Variants in PDE4D observed in about 807,000 individuals in gnomAD.
The protein encoded by PDE4D is phosphodiesterase 4D.
Under a neutral mutation model 87.4 loss-of-function variants are expected in PDE4D, and 24 were observed. That is an observed-to-expected ratio of 0.27 (90% confidence interval 0.20 to 0.39). The LOEUF is 0.39. PDE4D is among the 10% of genes least tolerant of loss of function. PDE4D has a pLI of 1.00. For missense variants in PDE4D, 714 were observed against 1,041.0 expected (o/e 0.69, Z 4.32); for synonymous variants, 384 against 383.2 (o/e 1.00, Z -0.02).
intron 5 of PDE4D, among the ~76,000 whole-genome samples, chr5:59,080,366 C>T (rs910548168): frequency 2.0e-5 from 3 of 152,174 alleles, no homozygotes; most frequent in African/African-American, 7.2e-5. Flanking sequence ...CACGAAGAAT[C>T]GTGCTGAATG....
intron 1 of PDE4D, among the ~76,000 whole-genome samples, chr5:60,474,106 A>ATATATATATATG (rs70975389): frequency 1.6e-4 from 2 of 12,666 alleles, no homozygotes; most frequent in African/African-American, 5.2e-4. Flanking sequence ...TTGAGCTGCC[A>ATATATATATATG]TATATATATA....
chr5:60,448,368 T>TTA (rs1206061048), intron 1 of PDE4D, among the ~76,000 whole-genome samples: 43 of 152,272 alleles, frequency 2.8e-4, no homozygotes, highest in African/African-American at 1.0e-3. Flanking sequence ...AGAATGTTAT[T>TTA]AGTTCATAAA....
chr5:60,286,148 G>A (rs1455917829), intron 1 of PDE4D, among the ~76,000 whole-genome samples: 1 of 152,048 alleles, frequency 6.6e-6, no homozygotes, highest in Non-Finnish European at 1.5e-5. Flanking sequence ...ACAACAACCC[G>A]GGAAACATGA....
intron 1 of PDE4D, among the ~76,000 whole-genome samples, chr5:59,483,568 A>G (rs1804614849): frequency 6.6e-6 from 1 of 152,158 alleles, no homozygotes; most frequent in South Asian, 2.1e-4. Context: ...TACCAGCAGA[A>G]CTATATCCCA....
intron 3 of PDE4D, among the ~76,000 whole-genome samples, chr5:59,899,993 C>A (rs1475974315): frequency 2.6e-5 from 4 of 152,092 alleles, no homozygotes; most frequent in African/African-American, 7.2e-5. Flanking sequence ...GTAATCCCAG[C>A]ACTTTGTAGG....
At chr5:59,712,906 A>G (rs747481538) in intron 1 of PDE4D, among the ~76,000 whole-genome samples, 1 of 152,174 alleles carries the variant, frequency 6.6e-6, no homozygotes, top group African/African-American at 2.4e-5. Context: ...CTGTTTAAAG[A>G]ATTTTTGAGT....
chr5:59,239,733 C>T (rs1186862458), intron 1 of PDE4D, among the ~76,000 whole-genome samples: 4 of 152,078 alleles, frequency 2.6e-5, no homozygotes, highest in East Asian at 3.9e-4. Context: ...CCCCAAGCAT[C>T]GTACTGTGGC....
chr5:59,470,311 C>T (rs904405268), intron 1 of PDE4D, among the ~76,000 whole-genome samples: 6 of 152,072 alleles, frequency 3.9e-5, no homozygotes, highest in Admixed American at 6.6e-5. Context: ...AAAAAAATCA[C>T]ACAAAATATA....
At chr5:60,302,364 C>T (rs891788705) in intron 1 of PDE4D, among the ~76,000 whole-genome samples, 1 of 152,126 alleles carries the variant, frequency 6.6e-6, no homozygotes, top group Non-Finnish European at 1.5e-5. Flanking sequence ...TTGATCTGTT[C>T]AGGGATTCAA....
chr5:59,508,651 A>G (rs1809712100), intron 1 of PDE4D, among the ~76,000 whole-genome samples: 2 of 152,224 alleles, frequency 1.3e-5, no homozygotes, highest in South Asian at 4.1e-4. Context: ...CTATCAAGGA[A>G]CTAAAATAAA....
At chr5:59,378,033 C>T (rs771569102) in intron 1 of PDE4D, among the ~76,000 whole-genome samples, 18 of 152,026 alleles carry the variant, frequency 1.2e-4, no homozygotes, top group Non-Finnish European at 2.4e-4. Flanking sequence ...TTAACCTAAA[C>T]GCCCATCAAT....
intron 3 of PDE4D, among the ~76,000 whole-genome samples, chr5:59,193,083 T>A (rs575103967): frequency 4.1e-4 from 62 of 152,322 alleles, no homozygotes; most frequent in Non-Finnish European, 6.8e-4. Context: ...ATCACTCAGC[T>A]AAATCTCTGC....
chr5:59,237,820 T>TGA (rs2153520729), intron 1 of PDE4D, among the ~76,000 whole-genome samples: 1 of 121,148 alleles, frequency 8.3e-6, no homozygotes, highest in Non-Finnish European at 1.8e-5. Context: ...TGTGTGTGTG[T>TGA]GAACTCAGTG....
At chr5:59,085,014 TC>T (rs1561456501) in intron 5 of PDE4D, among the ~76,000 whole-genome samples, 1 of 152,084 alleles carries the variant, frequency 6.6e-6, no homozygotes, top group Non-Finnish European at 1.5e-5. Context: ...CAAAAATAAA[TC>T]TTTAAAATAT....
At chr5:59,595,076 G>A (rs1189927761) in intron 1 of PDE4D, among the ~76,000 whole-genome samples, 3 of 152,024 alleles carry the variant, frequency 2.0e-5, no homozygotes, top group African/African-American at 4.8e-5. Flanking sequence ...TACATGACAA[G>A]CATTAACATT....
intron 6 of PDE4D, among the ~76,000 whole-genome samples, chr5:59,018,804 T>C (rs1272521340): frequency 2.6e-5 from 4 of 152,182 alleles, no homozygotes; most frequent in Non-Finnish European, 2.9e-5. Context: ...AGGAGAGTCC[T>C]ATGTACTCTC....
At chr5:59,285,807 GT>G (rs1002804279) in intron 1 of PDE4D, among the ~76,000 whole-genome samples, 5 of 152,258 alleles carry the variant, frequency 3.3e-5, no homozygotes, top group South Asian at 4.1e-4. Context: ...TGGGGAGGGT[GT>G]TTGTGTCATC....
At chr5:59,165,359 T>C (rs1292493377) in intron 5 of PDE4D, among the ~76,000 whole-genome samples, 4 of 152,186 alleles carry the variant, frequency 2.6e-5, no homozygotes, top group South Asian at 2.1e-4. Context: ...CTGCAACCTC[T>C]GCCTCCCAGG....
chr5:60,460,390 T>G, intron 1 of PDE4D: 1 of 1,035,174 alleles, frequency 9.7e-7, no homozygotes, highest in Non-Finnish European at 1.5e-6. Flanking sequence ...GCTCAAATAA[T>G]GCAGTGCCTC....
Sources: gnomAD v4.1 joint callset for allele counts (sites outside exome capture counted in the v4.1 genomes callset) on GRCh38, gnomAD v4.1.1 for gene constraint, MANE v1.5 for transcripts, NCBI Gene and HGNC (gene_info 2026-07-23, HGNC 2026-07-21) for gene names.